MMD2: variants seen among roughly 807,000 people sequenced by gnomAD.
MMD2 encodes the protein monocyte to macrophage differentiation factor 2.
A neutral mutation model predicts 33.5 loss-of-function variants in MMD2; 30 were observed. The ratio of observed to expected loss-of-function variants is 0.90; its 90% CI spans 0.67 to 1.22. MMD2 has a LOEUF of 1.22. MMD2 is among the 50% of genes most tolerant of loss of function. The pLI is 0.00. For missense variants in MMD2, 364 were observed against 325.4 expected, an observed-to-expected ratio of 1.12 and a Z score of -0.91; for synonymous variants, 129 against 123.0, an observed-to-expected ratio of 1.05 and a Z score of -0.32.
intron 5 of MMD2, among the ~76,000 whole-genome samples, chr7:4,910,399 C>G (rs1784976007): frequency 6.6e-6 from 1 of 152,160 alleles, no homozygotes; most frequent in Non-Finnish European, 1.5e-5. Context: ...GGTTCCTGGG[C>G]TCTGAGACTG....
chr7:4,933,969 T>C, intron 1 of MMD2, among the ~76,000 whole-genome samples: 2 of 125,702 alleles, frequency 1.6e-5, no homozygotes, highest in African/African-American at 3.0e-5. Context: ...TGAGACAGTC[T>C]CCTAGGCTGG....
chr7:4,928,823 A>G (rs538987332), intron 1 of MMD2, among the ~76,000 whole-genome samples: 1 of 151,754 alleles, frequency 6.6e-6, no homozygotes, highest in African/African-American at 2.4e-5. Context: ...CGTGCTAAGT[A>G]TAGTTCATGA....
At chr7:4,894,622 C>T in the MMD2 span, among the ~76,000 whole-genome samples, 7 of 152,180 alleles carry the variant, frequency 4.6e-5, no homozygotes, top group South Asian at 2.1e-4. The surrounding 1 kb of genome is among the most constrained non-coding windows in gnomAD (Gnocchi z 4.3). Context: ...CCTTCGTGGG[C>T]GGGAACTGGA....
intron 1 of MMD2, among the ~76,000 whole-genome samples, chr7:4,932,320 T>A (rs1785610380): frequency 1.3e-5 from 2 of 152,114 alleles, no homozygotes; most frequent in South Asian, 4.1e-4. Context: ...CCGAGCACTT[T>A]CCCTTTAACT....
intron 1 of MMD2, among the ~76,000 whole-genome samples, chr7:4,937,249 T>C (rs937149120): frequency 5.9e-5 from 9 of 151,308 alleles, no homozygotes; most frequent in Middle Eastern, 3.4e-3. Flanking sequence ...ATACAAAAAT[T>C]AGCCAGGCAC....
intron 1 of MMD2, among the ~76,000 whole-genome samples, chr7:4,945,192 T>TTCTTCTTCTTCTTCTTCTTCTTCTTCC (rs1461852851): frequency 7.6e-6 from 1 of 130,936 alleles, no homozygotes; most frequent in African/African-American, 2.9e-5. Flanking sequence ...CTCTTTCTTC[T>TTCTTCTTCTTCTTCTTCTTCTTCTTCC]TCTTCTTCTT....
At chr7:4,939,931 G>A (rs372661106) in intron 1 of MMD2, among the ~76,000 whole-genome samples, 4 of 152,020 alleles carry the variant, frequency 2.6e-5, no homozygotes, top group Admixed American at 1.3e-4. Context: ...TACTAGAGAC[G>A]GGGTTTTGCC....
chr7:4,938,201 G>T (rs937429855), intron 1 of MMD2, among the ~76,000 whole-genome samples: 15 of 151,338 alleles, frequency 9.9e-5, no homozygotes, highest in African/African-American at 3.6e-4. Flanking sequence ...AGTAGAGACG[G>T]GGTTTTGCCA....
At chr7:4,913,141 C>G (rs997685635) in intron 4 of MMD2, among the ~76,000 whole-genome samples, 2 of 151,944 alleles carry the variant, frequency 1.3e-5, no homozygotes, top group Non-Finnish European at 1.5e-5. Flanking sequence ...ATCTCATTAC[C>G]CAAAATAACC....
chr7:4,927,351 C>T (rs111306443), intron 1 of MMD2, among the ~76,000 whole-genome samples: 209 of 152,108 alleles, frequency 1.4e-3, no homozygotes, highest in African/African-American at 4.9e-3. Context: ...TCGAGACCAG[C>T]CTGGTCAACA....
At chr7:4,955,212 G>A (rs970050645) in intron 1 of MMD2, among the ~76,000 whole-genome samples, 3 of 152,012 alleles carry the variant, frequency 2.0e-5, no homozygotes, top group Admixed American at 1.3e-4. Context: ...TGCTCCATTC[G>A]TCAATTTGCC....
chr7:4,919,862 C>G (rs1344048695), intron 3 of MMD2, among the ~76,000 whole-genome samples: 2 of 152,216 alleles, frequency 1.3e-5, no homozygotes, highest in Admixed American at 6.5e-5. Context: ...CGCCACTGCA[C>G]TCCTGCCTGG....
intron 1 of MMD2, among the ~76,000 whole-genome samples, chr7:4,930,655 A>AAAAAAAAAAG (rs1554271790): frequency 1.3e-5 from 2 of 150,794 alleles, no homozygotes; most frequent in Non-Finnish European, 1.5e-5. Context: ...CAAAAAAAAA[A>AAAAAAAAAAG]GAGGAAAGAG....
intron 3 of MMD2, among the ~76,000 whole-genome samples, chr7:4,918,841 T>C (rs746741834): frequency 1.1e-4 from 16 of 151,966 alleles, no homozygotes; most frequent in East Asian, 1.9e-4. Context: ...CTCACACTTG[T>C]AATCCCGGCA....
chr7:4,934,697 C>T (rs1404474786), intron 1 of MMD2, among the ~76,000 whole-genome samples: 4 of 152,128 alleles, frequency 2.6e-5, no homozygotes, highest in Admixed American at 6.6e-5. Context: ...TGGCAGGAGA[C>T]GAGGAGAGAA....
chr7:4,914,686 T>C (rs1273355915), intron 4 of MMD2, among the ~76,000 whole-genome samples: 1 of 152,134 alleles, frequency 6.6e-6, no homozygotes, highest in Non-Finnish European at 1.5e-5. Context: ...ATCTCATCAC[T>C]GTGGGAGGCC....
chr7:4,921,989 C>CCAAGG (rs1785298331), intron 2 of MMD2, among the ~76,000 whole-genome samples: 1 of 151,972 alleles, frequency 6.6e-6, no homozygotes, highest in Non-Finnish European at 1.5e-5. Context: ...CTTTGGGAGG[C>CCAAGG]TGAGGCCAGG....
At chr7:4,899,388 T>C in the MMD2 span, among the ~76,000 whole-genome samples, 1 of 151,726 alleles carries the variant, frequency 6.6e-6, no homozygotes, top group South Asian at 2.1e-4. Context: ...GTAAAATGTA[T>C]TTTTCTTTTT....
At chr7:4,916,719 C>A (rs1785153768) in intron 3 of MMD2, among the ~76,000 whole-genome samples, 1 of 152,090 alleles carries the variant, frequency 6.6e-6, no homozygotes, top group Admixed American at 6.6e-5. Context: ...CTGTGCATTT[C>A]TGCTTTATAT....
Sources: allele counts gnomAD v4.1 joint callset (sites outside exome capture counted in the v4.1 genomes callset), GRCh38; gene constraint gnomAD v4.1.1; non-coding constraint Gnocchi (gnomAD v3.1); transcripts MANE v1.5; gene names NCBI Gene and HGNC (gene_info 2026-07-23, HGNC 2026-07-21).